The following ADAMTS17 variants were observed in gnomAD, a reference collection of about 807,000 sequenced individuals.
ADAMTS17 encodes the protein ADAM metallopeptidase with thrombospondin type 1 motif 17, also known as A disintegrin and metalloproteinase with thrombospondin motifs 17.
In ADAMTS17, 113 loss-of-function variants were observed where a neutral mutation model predicts 141.5. That is an observed-to-expected ratio of 0.80 (90% CI 0.69 to 0.93). The LOEUF is 0.93. ADAMTS17 is among the 40% of genes least tolerant of loss of function. The pLI, the probability that ADAMTS17 is intolerant of heterozygous loss-of-function variation, is 0.00. For synonymous variants in ADAMTS17, 768 were observed against 630.6 expected (o/e 1.22, Z -3.27); for missense variants, 1,659 against 1,517.9 (o/e 1.09, Z -1.54).
At chr15:100,239,960 G>A (rs926576689) in intron 7 of ADAMTS17, among the ~76,000 whole-genome samples, 4 of 152,158 alleles carry the variant, frequency 2.6e-5, no homozygotes, top group African/African-American at 9.7e-5. Flanking sequence ...TTTACCTGAT[G>A]TCCTGCTACC....
chr15:100,234,310 C>T (rs2141862807), intron 7 of ADAMTS17, among the ~76,000 whole-genome samples: 1 of 152,328 alleles, frequency 6.6e-6, no homozygotes, highest in South Asian at 2.1e-4. Context: ...CAGACAGGCA[C>T]TGTGCCAAAT....
chr15:100,199,244 A>G, intron 8 of ADAMTS17, 74 bp downstream of exon 8: 1 of 1,352,178 alleles, frequency 7.4e-7, no homozygotes, highest in Non-Finnish European at 1.1e-6. Context: ...TTTAGAACTT[A>G]CAGAATTCAA....
chr15:100,008,436 G>A (rs533632955), intron 18 of ADAMTS17, among the ~76,000 whole-genome samples: 242 of 152,302 alleles, frequency 1.6e-3, no homozygotes, highest in African/African-American at 5.5e-3. Flanking sequence ...AAGAGTCATC[G>A]TGGGCCAAAC....
intron 8 of ADAMTS17, among the ~76,000 whole-genome samples, chr15:100,184,324 C>T (rs1157106482): frequency 1.3e-5 from 2 of 152,166 alleles, no homozygotes; most frequent in South Asian, 2.1e-4. Flanking sequence ...GTGCCCCAAT[C>T]GGTGTATGTG....
intron 15 of ADAMTS17, among the ~76,000 whole-genome samples, chr15:100,069,133 A>T (rs2033781305): frequency 6.6e-6 from 1 of 152,254 alleles, no homozygotes; most frequent in Non-Finnish European, 1.5e-5. Context: ...AACTGGAAGA[A>T]AGGGTATCAG....
rs185936389 is a variant in ADAMTS17 at position 100,260,384 on chromosome 15, C to A, written c.1031+1095G>T. 1.8e-3 allele frequency among the ~76,000 whole-genome samples: 275 copies of A among 152,020 alleles called. 4 individuals are homozygous for A. Among genetic ancestry groups the A allele is most frequent in the Admixed American group, 0.013 (204 of 15,280 alleles). On this transcript the variant is annotated intron_variant, in intron 6 of 21. Transcript: ENST00000268070. Reference sequence around the variant, plus strand: ...ATCCTAGCATTTTGGGAGGCCAAGGCGGGCAGATTACCTGAGGTCAGGGGT... The same window carrying A: ...ATCCTAGCATTTTGGGAGGCCAAGGAGGGCAGATTACCTGAGGTCAGGGGT...
intron 7 of ADAMTS17, among the ~76,000 whole-genome samples, chr15:100,234,949 G>C (rs2042608015): frequency 6.6e-6 from 1 of 152,224 alleles, no homozygotes; most frequent in African/African-American, 2.4e-5. Context: ...CAAGAGAAAG[G>C]CAGTGGGAAC....
At chr15:100,275,159 T>C (rs2044037419) in intron 4 of ADAMTS17, among the ~76,000 whole-genome samples, 1 of 152,270 alleles carries the variant, frequency 6.6e-6, no homozygotes, top group South Asian at 2.1e-4. Flanking sequence ...GAGGAACTCG[T>C]TCCACAAGGC....
intron 18 of ADAMTS17, among the ~76,000 whole-genome samples, chr15:100,020,849 A>G (rs891537659): frequency 3.9e-5 from 6 of 152,032 alleles, no homozygotes; most frequent in Non-Finnish European, 5.9e-5. Context: ...GTGTTTGGAG[A>G]CCATGACGTG....
intron 4 of ADAMTS17, among the ~76,000 whole-genome samples, chr15:100,274,577 G>C (rs1213355699): frequency 1.3e-5 from 2 of 152,054 alleles, no homozygotes; most frequent in Middle Eastern, 3.2e-3. Flanking sequence ...GTCTCTTATA[G>C]ACCGCATATA....
At chr15:100,034,574 G>A (rs1296474401) in intron 18 of ADAMTS17, among the ~76,000 whole-genome samples, 2 of 152,254 alleles carry the variant, frequency 1.3e-5, no homozygotes, top group Non-Finnish European at 2.9e-5. Flanking sequence ...AGGACCCCGC[G>A]TGTACACCAT....
At chr15:100,234,170 G>A (rs1331332282) in intron 7 of ADAMTS17, among the ~76,000 whole-genome samples, 1 of 152,182 alleles carries the variant, frequency 6.6e-6, no homozygotes, top group Non-Finnish European at 1.5e-5. Context: ...ATATTTTGAA[G>A]GTGGAGTGGA....
chr15:100,238,473 G>C (rs2141883326), intron 7 of ADAMTS17, among the ~76,000 whole-genome samples: 1 of 152,352 alleles, frequency 6.6e-6, no homozygotes, highest in Non-Finnish European at 1.5e-5. Context: ...GTTTTACTGA[G>C]TATGAATGAC....
At chr15:99,985,129 C>T (rs1375123621) in intron 20 of ADAMTS17, among the ~76,000 whole-genome samples, 6 of 152,266 alleles carry the variant, frequency 3.9e-5, no homozygotes, top group Non-Finnish European at 7.3e-5. Flanking sequence ...CACGGATGGC[C>T]CAGCGGCGGG....
At chr15:100,107,307 T>C (rs547586793) in intron 14 of ADAMTS17, among the ~76,000 whole-genome samples, 14 of 152,304 alleles carry the variant, frequency 9.2e-5, no homozygotes, top group African/African-American at 2.6e-4. Flanking sequence ...CAAGTGGACC[T>C]GACGCCTGGA....
chr15:99,974,266 C>G lies in ADAMTS17; in HGVS notation c.*136G>C. On this transcript the variant is annotated 3_prime_UTR_variant, in exon 22 of 22. Transcript: ENST00000268070. Reference sequence around the variant, plus strand: ...GTACGGAAGCACTAATGGCAAACGCCAAGTCCACGCTCATGTTCTATGTAG... The same window carrying G: ...GTACGGAAGCACTAATGGCAAACGCGAAGTCCACGCTCATGTTCTATGTAG... 1 of 1,173,198 alleles carries G rather than the reference C, an allele frequency of 8.5e-7. No individual in the cohort carries two copies. Among genetic ancestry groups the G allele is most frequent in the Non-Finnish European group, 1.2e-6 (1 of 802,408 alleles). 72.7% of individuals were successfully genotyped at this position (1,173,198 alleles called of 1,614,324 possible). A position where few individuals can be genotyped will look rare whatever the true frequency, so the allele number is the denominator to read the frequency against.
At chr15:100,244,684 T>C (rs914334780) in intron 7 of ADAMTS17, among the ~76,000 whole-genome samples, 1 of 152,086 alleles carries the variant, frequency 6.6e-6, no homozygotes, top group African/African-American at 2.4e-5. Context: ...TGAGGGCCAC[T>C]GTACAGGGAG....
chr15:100,063,826 C>A (rs1403457044), intron 15 of ADAMTS17: 35 of 1,159,778 alleles, frequency 3.0e-5, no homozygotes, highest in Non-Finnish European at 3.7e-5. Flanking sequence ...TGCAGCATCC[C>A]CCGGCCAAAA....
At chr15:100,044,133 A>G (rs944751133) in intron 18 of ADAMTS17, among the ~76,000 whole-genome samples, 3 of 152,200 alleles carry the variant, frequency 2.0e-5, no homozygotes, top group African/African-American at 4.8e-5. Context: ...GGGCTCTGTT[A>G]TGGCACTTTG....
Sources: allele counts gnomAD v4.1 joint callset (sites outside exome capture counted in the v4.1 genomes callset), GRCh38; gene constraint gnomAD v4.1.1; transcripts MANE v1.5; gene names NCBI Gene and HGNC (gene_info 2026-07-23, HGNC 2026-07-21).